Variants in RBFOX1 observed in about 807,000 individuals in gnomAD.
RBFOX1 encodes the protein RNA binding protein fox-1 homolog 1.
RBFOX1 carries 8 observed loss-of-function variants against 57.7 expected under a neutral mutation model. That is an observed-to-expected ratio of 0.14 (90% CI 0.08 to 0.25). The LOEUF (loss-of-function observed/expected upper bound fraction) is 0.25, where lower values mean the gene tolerates loss of function less well. Ranked by LOEUF, RBFOX1 falls within the 10% of genes least tolerant of loss-of-function variation. The probability of loss-of-function intolerance (pLI) is 1.00; values close to 1 mark genes in which losing one functional copy is unlikely to be tolerated. For missense variants in RBFOX1, 611 were observed against 548.5 expected (o/e 1.11, Z -1.14); for synonymous variants, 326 against 222.4 (o/e 1.47, Z -4.15).
chr16:6,687,510 C>G (rs944525094), intron 3 of RBFOX1, among the ~76,000 whole-genome samples: 3 of 152,256 alleles, frequency 2.0e-5, no homozygotes, highest in Non-Finnish European at 2.9e-5. Flanking sequence ...TCAGGATAAG[C>G]TAGTCTGTGC....
At chr16:5,766,608 T>A (rs1311932318) in intron 3 of RBFOX1, among the ~76,000 whole-genome samples, 1 of 151,692 alleles carries the variant, frequency 6.6e-6, no homozygotes, top group Non-Finnish European at 1.5e-5. Flanking sequence ...ACAAACAAAA[T>A]GAAAAACAGA....
In RBFOX1 at chr16:6,404,489, A is replaced by G. The variant is rs369251451; in HGVS notation, c.-64+87432A>G. ...TAAAGTAACTTGGTTCCAAAAGAGT[A>G]CGCATTTGTAGTTGTATACTACAAA... On this transcript the variant is annotated intron_variant, in intron 2 of 15. Transcript: ENST00000550418. Among the ~76,000 whole-genome samples the G allele has an allele frequency of 7.9e-5, 12 of 152,304 alleles. No homozygotes were observed. The East Asian group carries it at 2.1e-3, about 27-fold the overall frequency.
chr16:6,746,339 G>C (rs772974222), intron 3 of RBFOX1, among the ~76,000 whole-genome samples: 4 of 152,086 alleles, frequency 2.6e-5, no homozygotes, highest in Non-Finnish European at 5.9e-5. Context: ...TTGGGAAGAT[G>C]AATACTGTAT....
chr16:6,882,865 A>AC (rs2063238938), intron 3 of RBFOX1, among the ~76,000 whole-genome samples: 1 of 152,132 alleles, frequency 6.6e-6, no homozygotes, highest in African/African-American at 2.4e-5. Flanking sequence ...GGAGTGAACA[A>AC]CCATCTTCCT....
chr16:6,343,968 C>A (rs963266986), intron 2 of RBFOX1, among the ~76,000 whole-genome samples: 3 of 152,176 alleles, frequency 2.0e-5, no homozygotes, highest in African/African-American at 4.8e-5. Flanking sequence ...TGAGCACAGT[C>A]TAATTCTAAT....
intron 3 of RBFOX1, among the ~76,000 whole-genome samples, chr16:5,764,685 C>G (rs1411458096): frequency 6.6e-6 from 1 of 152,164 alleles, no homozygotes. Flanking sequence ...TCAGTTCCCT[C>G]ACACCTGTAC....
intron 1 of RBFOX1, among the ~76,000 whole-genome samples, chr16:6,260,713 A>C (rs753083449): frequency 1.3e-5 from 2 of 152,026 alleles, no homozygotes; most frequent in Admixed American, 6.5e-5. Flanking sequence ...CCCCATCTGT[A>C]CTACTGATAA....
chr16:5,557,774 T>C (rs1283439897), intron 2 of RBFOX1, among the ~76,000 whole-genome samples: 2 of 152,174 alleles, frequency 1.3e-5, no homozygotes, highest in African/African-American at 2.4e-5. Flanking sequence ...TGAAGACCCA[T>C]GGCTGTAAGT....
chr16:6,534,188 T>C (rs1012056653), intron 2 of RBFOX1, among the ~76,000 whole-genome samples: 4 of 152,174 alleles, frequency 2.6e-5, no homozygotes, highest in African/African-American at 9.7e-5. Context: ...AAGTAAGTTG[T>C]ATAGTCACTC....
At chr16:7,338,576 A>G (rs2096836421) in intron 4 of RBFOX1, among the ~76,000 whole-genome samples, 1 of 152,082 alleles carries the variant, frequency 6.6e-6, no homozygotes. Flanking sequence ...ATTCTTTTGT[A>G]GAGATGAGGT....
intron 3 of RBFOX1, among the ~76,000 whole-genome samples, chr16:5,653,420 T>TTG (rs2049314757): frequency 9.3e-6 from 1 of 107,668 alleles, no homozygotes; most frequent in Non-Finnish European, 2.0e-5. Context: ...CTGGGTTTCT[T>TTG]TGAGGCAGGT....
Position 6,892,904 on chromosome 16 carries a change from A to T in RBFOX1, c.-15-159153A>T, listed in dbSNP as rs1221710651. Among the ~76,000 whole-genome samples the T allele has an allele frequency of 2.0e-5, 3 of 147,616 alleles. No homozygotes were observed. In the South Asian group the frequency reaches 6.4e-4, roughly 31 times the overall value. ...TGCTCATTTCTCACCACTCACTCTC[A>T]GTCTTTGCTCCTCAGCTATTCTTGC... On this transcript the variant is annotated intron_variant, in intron 3 of 15. Coordinates refer to ENST00000550418, the MANE Select transcript of RBFOX1 (RefSeq NM_018723.4).
intron 2 of RBFOX1, among the ~76,000 whole-genome samples, chr16:5,492,839 T>G (rs1412695252): frequency 6.6e-6 from 1 of 152,204 alleles, no homozygotes; most frequent in Non-Finnish European, 1.5e-5. Context: ...GTGCGGGGAC[T>G]TGGTGCTTTT....
intron 2 of RBFOX1, among the ~76,000 whole-genome samples, chr16:5,587,802 G>T (rs1367741601): frequency 6.6e-6 from 1 of 152,194 alleles, no homozygotes; most frequent in Non-Finnish European, 1.5e-5. Flanking sequence ...CAGCCAGAGA[G>T]TTCCTCAAAT....
chr16:5,881,070 G>C (rs8044156), intron 4 of RBFOX1, among the ~76,000 whole-genome samples: 59,374 of 151,836 alleles, frequency 0.39, 11,996 homozygotes, highest in African/African-American at 0.49. Context: ...GGGAGTGCTA[G>C]ATTTGTTAGA....
At chr16:5,736,895 C>CTA (rs1398418834) in intron 3 of RBFOX1, among the ~76,000 whole-genome samples, 2 of 145,988 alleles carry the variant, frequency 1.4e-5, no homozygotes, top group African/African-American at 5.1e-5. Context: ...CTCGCTCTCT[C>CTA]TCCCCCTCCG....
intron 1 of RBFOX1, among the ~76,000 whole-genome samples, chr16:5,457,456 G>A (rs546549159): frequency 2.6e-5 from 4 of 152,230 alleles, no homozygotes; most frequent in African/African-American, 9.6e-5. Flanking sequence ...TTTTATAAGA[G>A]CACTAATCCC....
chr16:7,418,122 G>T (rs2098502460), intron 4 of RBFOX1, among the ~76,000 whole-genome samples: 1 of 152,010 alleles, frequency 6.6e-6, no homozygotes. Flanking sequence ...CTCCCCCACG[G>T]CCAACCTAGG....
intron 2 of RBFOX1, among the ~76,000 whole-genome samples, chr16:6,404,783 G>A (rs2093214783): frequency 6.6e-6 from 1 of 152,108 alleles, no homozygotes; most frequent in Non-Finnish European, 1.5e-5. Context: ...TCAAAGAAGA[G>A]CAGATCTCAT....
Sources: allele counts gnomAD v4.1 joint callset (sites outside exome capture counted in the v4.1 genomes callset), GRCh38; gene constraint gnomAD v4.1.1; transcripts MANE v1.5; gene names NCBI Gene and HGNC (gene_info 2026-07-23, HGNC 2026-07-21).